ADD1: variants seen among roughly 807,000 people sequenced by gnomAD.
The protein encoded by ADD1 is adducin 1.
A neutral mutation model predicts 80.5 loss-of-function variants in ADD1; 24 were observed. The observed-to-expected ratio is 0.30, with a 90% CI of 0.22 to 0.42. The LOEUF (loss-of-function observed/expected upper bound fraction) is 0.42, where lower values mean the gene tolerates loss of function less well. ADD1 is among the 10% of genes least tolerant of loss of function. The probability of loss-of-function intolerance (pLI) is 1.00; values close to 1 mark genes in which losing one functional copy is unlikely to be tolerated. For missense variants in ADD1, 948 were observed against 1,019.0 expected (o/e 0.93, Z 0.95); for synonymous variants, 373 against 393.8 (o/e 0.95, Z 0.63).
intron 1 of ADD1, chr4:2,853,497 T>C (rs1727622385): frequency 6.6e-6 from 1 of 152,220 alleles, no homozygotes. Flanking sequence ...TTGTTAGTAA[T>C]GTATATTTAA....
At chr4:2,891,177 G>A (rs1205222830) in intron 4 of ADD1, among the ~76,000 whole-genome samples, 1 of 152,008 alleles carries the variant, frequency 6.6e-6, no homozygotes, top group Non-Finnish European at 1.5e-5. Flanking sequence ...GGCTGGGCAC[G>A]GTGGCTCATG....
chr4:2,892,046 G>T (rs1734378771), intron 4 of ADD1, among the ~76,000 whole-genome samples: 2 of 152,124 alleles, frequency 1.3e-5, no homozygotes. Flanking sequence ...CCCATGACAC[G>T]GTGGGCTCTC....
intron 14 of ADD1, among the ~76,000 whole-genome samples, chr4:2,924,666 C>T (rs866395823): frequency 6.6e-6 from 1 of 152,202 alleles, no homozygotes; most frequent in South Asian, 2.1e-4. Context: ...GTAGTTGTGA[C>T]TGAAATTTGA....
intron 14 of ADD1, among the ~76,000 whole-genome samples, chr4:2,920,855 T>C (rs921135955): frequency 4.6e-5 from 7 of 152,222 alleles, no homozygotes; most frequent in African/African-American, 1.7e-4. Flanking sequence ...AATATTGCTA[T>C]GTGTGAATTT....
At chr4:2,850,296 C>T (rs1014659672) in intron 1 of ADD1, among the ~76,000 whole-genome samples, 2 of 152,230 alleles carry the variant, frequency 1.3e-5, no homozygotes, top group Non-Finnish European at 2.9e-5. Context: ...GAGACTGAAT[C>T]TCACTCTCTT....
At position 2,915,557 on chromosome 4, in the gene ADD1, C is replaced by T. The variant is rs189442717; in HGVS notation, c.1948+517C>T. Among the ~76,000 whole-genome samples, 154 of 152,328 alleles carry T rather than the reference C, an allele frequency of 1.0e-3. 1 individual carries two copies. Among genetic ancestry groups the T allele is most frequent in the Admixed American group, 3.6e-3 (55 of 15,308 alleles). ...TTGGGAGGCTGAGGCAGGAGAATGG[C>T]GTGAACGTGGAAGGCAGGGCTTTCA... On this transcript the variant is annotated intron_variant, in intron 14 of 15. Coordinates refer to ENST00000683351, the MANE Select transcript of ADD1 (RefSeq NM_001354761.2).
chr4:2,896,793 C>A (rs927607635), intron 6 of ADD1, among the ~76,000 whole-genome samples: 1 of 152,140 alleles, frequency 6.6e-6, no homozygotes, highest in South Asian at 2.1e-4. Context: ...GGATCTCACC[C>A]TGTCTCCCAG....
At chr4:2,915,773 G>A (rs896189878) in intron 14 of ADD1, among the ~76,000 whole-genome samples, 4 of 152,302 alleles carry the variant, frequency 2.6e-5, no homozygotes, top group Middle Eastern at 3.4e-3. Flanking sequence ...GCGGTGAGCC[G>A]AGATCGTGCC....
At position 2,875,988 on chromosome 4, in the gene ADD1, T is replaced by C; in HGVS notation, c.73T>C (p.Phe25Leu). The C allele has an allele frequency of 6.2e-7, 1 of 1,614,098 alleles. No individual in the cohort carries two copies. The highest frequency in any genetic ancestry group is 1.3e-5 in the African/African-American group (1 of 75,054). The change falls in exon 2 of 16, where the codon TTC becomes CTC. Residue 25 changes from phenylalanine to leucine, a missense_variant. Physicochemically the swap from Phe to Leu is conservative, Grantham distance 22 (BLOSUM62 0). Transcript: ENST00000683351. ...PTTAPHKERYFDRVDENNPEY... is the reference protein window; with the variant it reads ...PTTAPHKERYLDRVDENNPEY... ...CACAGCCCCTCACAAGGAGAGGTAC[T>C]TCGACCGAGTAGATGAGAACAACCC...
chr4:2,869,099 C>T (rs550496145), intron 1 of ADD1, among the ~76,000 whole-genome samples: 4 of 152,192 alleles, frequency 2.6e-5, no homozygotes, highest in South Asian at 4.1e-4. Flanking sequence ...CTGGCAGTCA[C>T]GTTTTACCTC....
intron 4 of ADD1, among the ~76,000 whole-genome samples, chr4:2,889,699 G>A (rs1397474225): frequency 2.6e-5 from 4 of 152,136 alleles, no homozygotes; most frequent in African/African-American, 9.7e-5. Flanking sequence ...TGGTGTGCCT[G>A]TAGTCCCAGT....
intron 14 of ADD1, among the ~76,000 whole-genome samples, chr4:2,919,730 CTTTTT>C (rs371575546): frequency 0.015 from 2,246 of 151,754 alleles, 51 homozygotes; most frequent in South Asian, 0.099. Context: ...TCTCTCTTTT[CTTTTT>C]TATTAGTCTG....
At chr4:2,877,616 G>T (rs1731567640) in intron 2 of ADD1, among the ~76,000 whole-genome samples, 1 of 152,030 alleles carries the variant, frequency 6.6e-6, no homozygotes, top group East Asian at 1.9e-4. Context: ...CAGAAAGGCT[G>T]TTCTCAGGAG....
Position 2,899,433 on chromosome 4 carries a change from C to T in ADD1, c.1159C>T (p.Leu387=), listed in dbSNP as rs4690006. The part of the protein sequence containing the change: ...FEALMRMLDN[L]GYRTGYPYRY... ...AGCCCTCATGCGGATGCTCGATAAT[C>T]TGGTAAGAATGGTGCCACCACTTGA... Residue 387 remains leucine, a splice_region_variant and synonymous_variant, in exon 9 of 16, where the codon CTG becomes TTG. Coordinates refer to ENST00000683351, the MANE Select transcript of ADD1 (RefSeq NM_001354761.2). The T allele has an allele frequency of 3.1e-6, 5 of 1,614,200 alleles. No homozygotes were observed. The highest frequency in any genetic ancestry group is 4.2e-6 in the Non-Finnish European group (5 of 1,180,034).
At chr4:2,910,064 G>A (rs992038220) in intron 13 of ADD1, among the ~76,000 whole-genome samples, 1 of 145,814 alleles carries the variant, frequency 6.9e-6, no homozygotes, top group African/African-American at 2.6e-5. Context: ...TTCCCTCTGT[G>A]TGCGGGCATC....
chr4:2,844,088 G>A (rs1277983165), intron 1 of ADD1, 64 bp downstream of exon 1: 2 of 145,964 alleles, frequency 1.4e-5, no homozygotes, highest in African/African-American at 2.6e-5. Context: ...GGGGGCGCGG[G>A]GAACTGGGCC....
chr4:2,892,116 C>T (rs1335483015), intron 4 of ADD1, among the ~76,000 whole-genome samples: 1 of 152,116 alleles, frequency 6.6e-6, no homozygotes, highest in Admixed American at 6.6e-5. Flanking sequence ...GGGTAAGCAT[C>T]CTCATCACTG....
intron 11 of ADD1, 151 bp downstream of exon 11, chr4:2,907,995 G>T (rs1737348175): frequency 3.0e-6 from 2 of 659,640 alleles, no homozygotes; most frequent in Admixed American, 2.4e-5. Context: ...CACCGCTGCT[G>T]TTCTACCACC....
At chr4:2,883,575 C>T in intron 3 of ADD1, among the ~76,000 whole-genome samples, 1 of 151,960 alleles carries the variant, frequency 6.6e-6, no homozygotes, top group Non-Finnish European at 1.5e-5. Flanking sequence ...GCTCTTTCAC[C>T]CATGCTGGAG....
Sources: allele counts gnomAD v4.1 joint callset (sites outside exome capture counted in the v4.1 genomes callset), GRCh38; gene constraint gnomAD v4.1.1; transcripts MANE v1.5; gene names NCBI Gene and HGNC (gene_info 2026-07-23, HGNC 2026-07-21).